The following LPA variants were observed in gnomAD, a reference collection of about 807,000 sequenced individuals.
LPA encodes lipoprotein(a).
LPA carries 199 observed loss-of-function variants against 197.9 expected under a neutral mutation model. The ratio of observed to expected loss-of-function variants is 1.01; its 90% CI spans 0.90 to 1.13. LPA has a LOEUF of 1.13. LPA is among the 50% of genes most tolerant of loss of function. The pLI, the probability that LPA is intolerant of heterozygous loss-of-function variation, is 0.00. For missense variants in LPA, 1,853 were observed against 1,785.8 expected (o/e 1.04, Z -0.68); for synonymous variants, 715 against 639.5 (o/e 1.12, Z -1.78).
chr6:160,582,724 G>A (rs775064416), intron 26 of LPA, among the ~76,000 whole-genome samples: 1 of 152,012 alleles, frequency 6.6e-6, no homozygotes, highest in African/African-American at 2.4e-5. Flanking sequence ...GACTATGTGA[G>A]TTTATCATTT....
intron 28 of LPA, among the ~76,000 whole-genome samples, chr6:160,576,347 TATATATATATATATATATAC>T (rs1778662348): frequency 1.2e-4 from 2 of 16,990 alleles, no homozygotes; most frequent in African/African-American, 6.9e-4. Context: ...TGTGTATATA[TATATATATATATATATATAC>T]ATATATATAT....
In LPA at chr6:160,650,383, A is replaced by G; in HGVS notation, c.164T>C (p.Met55Thr). The G allele has an allele frequency of 1.2e-6, 2 of 1,613,932 alleles. No homozygotes were observed. Among genetic ancestry groups the G allele is most frequent in the East Asian group, 2.2e-5 (1 of 44,872 alleles). ...GGTCCTATTATGTTGATGTGGTGTC[A>G]TAGATGACCAAGCTTGGCAGGTCCT... ...TGRTCQAWSS[M>T]TPHQHNRTTE... The change falls in exon 2 of 39, where the codon ATG becomes ACG. Residue 55 changes from methionine to threonine, a missense_variant. By Grantham distance (81) the Met-to-Thr change is moderately conservative (BLOSUM62 -1). Transcript: ENST00000316300.
At chr6:160,547,758 G>C in intron 32 of LPA, 31 bp downstream of exon 32, 1 of 1,613,826 alleles carries the variant, frequency 6.2e-7, no homozygotes, top group East Asian at 2.2e-5. Context: ...TGTCAGCAAA[G>C]GGAAAAAGAG....
Position 160,650,333 on chromosome 6 carries a change from C to T in LPA, c.209+5G>A. ...GTTTTGCTTACTGTAAGATTAATGACATACGCATTTGGGTAGTTTTCTGTG... is the reference window on the plus strand; with the variant it reads ...GTTTTGCTTACTGTAAGATTAATGATATACGCATTTGGGTAGTTTTCTGTG... On this transcript the variant is annotated splice_donor_5th_base_variant and intron_variant, in intron 2 of 38. Transcript: ENST00000316300. 6.2e-7 allele frequency: 1 copy of T among 1,612,954 alleles called. No individual in the cohort carries two copies. Among genetic ancestry groups the T allele is most frequent in the South Asian group, 1.1e-5 (1 of 91,052 alleles).
intron 1 of LPA, 69 bp downstream of exon 1, chr6:160,664,097 G>A (rs1201254909): frequency 1.5e-5 from 19 of 1,293,524 alleles, no homozygotes; most frequent in Non-Finnish European, 2.0e-5. Flanking sequence ...ATAAAGCCAT[G>A]GCATATGTAT....
At chr6:160,589,411 A>C (rs1281544453) in intron 24 of LPA, 142 bp downstream of exon 24, 1 of 996,122 alleles carries the variant, frequency 1.0e-6, no homozygotes, top group African/African-American at 1.6e-5. Flanking sequence ...CCCTGTGCCC[A>C]AAGCAAGAAG....
chr6:160,544,921 C>G (rs796879532), intron 33 of LPA, among the ~76,000 whole-genome samples: 1 of 152,174 alleles, frequency 6.6e-6, no homozygotes, highest in Non-Finnish European at 1.5e-5. Flanking sequence ...TAATGGGACT[C>G]ATGAGTAGTA....
intron 1 of LPA, among the ~76,000 whole-genome samples, chr6:160,658,864 T>C (rs1404315218): frequency 1.2e-5 from 1 of 83,990 alleles, no homozygotes; most frequent in Non-Finnish European, 2.8e-5. Flanking sequence ...GGGACAGAAC[T>C]AATAGGAGAT....
At chr6:160,597,606 A>G (rs1261854543) in intron 20 of LPA, among the ~76,000 whole-genome samples, 1 of 152,216 alleles carries the variant, frequency 6.6e-6, no homozygotes, top group African/African-American at 2.4e-5. Flanking sequence ...CATTTAAGAT[A>G]TACCTTTTAA....
At chr6:160,593,593 C>T (rs143906605) in intron 22 of LPA, among the ~76,000 whole-genome samples, 27 of 152,302 alleles carry the variant, frequency 1.8e-4, no homozygotes, top group Admixed American at 1.2e-3. Context: ...GCTAATACAA[C>T]CTTCACTTCA....
chr6:160,549,102 A>G (rs1778128309), intron 30 of LPA, among the ~76,000 whole-genome samples: 1 of 152,156 alleles, frequency 6.6e-6, no homozygotes, highest in Non-Finnish European at 1.5e-5. Context: ...AGACACTTAC[A>G]AAACCATCAG....
intron 20 of LPA, among the ~76,000 whole-genome samples, chr6:160,596,247 C>T (rs974653157): frequency 7.2e-5 from 11 of 152,170 alleles, no homozygotes; most frequent in South Asian, 2.1e-4. Context: ...ATTTGTTTAG[C>T]CAGACTGTGT....
At chr6:160,568,256 C>A (rs9355291) in intron 28 of LPA, among the ~76,000 whole-genome samples, 1 of 151,964 alleles carries the variant, frequency 6.6e-6, no homozygotes, top group Admixed American at 6.6e-5. Flanking sequence ...ACTGGCAAAC[C>A]GAATCCAGCA....
intron 18 of LPA, among the ~76,000 whole-genome samples, chr6:160,603,650 G>T (rs1050951820): frequency 3.9e-5 from 6 of 152,258 alleles, no homozygotes; most frequent in Middle Eastern, 3.4e-3. Context: ...CATACTAAAA[G>T]CTTCTCTATG....
intron 20 of LPA, among the ~76,000 whole-genome samples, chr6:160,597,709 C>G (rs1053609644): frequency 6.6e-6 from 1 of 152,164 alleles, no homozygotes; most frequent in Admixed American, 6.5e-5. Context: ...TTAAATCCAG[C>G]AATGCAGTTA....
chr6:160,556,575 A>C (rs1165167735), intron 29 of LPA, among the ~76,000 whole-genome samples: 1 of 152,236 alleles, frequency 6.6e-6, no homozygotes, highest in Admixed American at 6.5e-5. Context: ...AAAACCCTGC[A>C]CAGTTCCCTA....
intron 28 of LPA, among the ~76,000 whole-genome samples, chr6:160,568,872 C>G (rs975426315): frequency 2.0e-5 from 3 of 152,150 alleles, no homozygotes; most frequent in African/African-American, 4.8e-5. Flanking sequence ...TGGATGAACT[C>G]CCATTCACAA....
intron 16 of LPA, among the ~76,000 whole-genome samples, chr6:160,607,420 G>T (rs191774295): frequency 6.6e-6 from 1 of 152,084 alleles, no homozygotes; most frequent in Non-Finnish European, 1.5e-5. Context: ...TCTGCACTGA[G>T]GGAAAGGGGG....
At chr6:160,538,055 T>G in intron 36 of LPA, 94 bp from the exon 37 acceptor site, 1 of 1,014,956 alleles carries the variant, frequency 9.9e-7, no homozygotes, top group Non-Finnish European at 1.5e-6. Flanking sequence ...CCCAGAGCCC[T>G]CTGAGCTGGC....
Sources: gnomAD v4.1 joint callset for allele counts (sites outside exome capture counted in the v4.1 genomes callset) on GRCh38, gnomAD v4.1.1 for gene constraint, MANE v1.5 for transcripts, NCBI Gene and HGNC (gene_info 2026-07-23, HGNC 2026-07-21) for gene names.